Variants in IFIH1 observed in about 807,000 individuals in gnomAD.
IFIH1 encodes interferon-induced helicase C domain-containing protein 1.
IFIH1 carries 125 observed loss-of-function variants against 107.4 expected under a neutral mutation model. That is an observed-to-expected ratio of 1.16 (90% confidence interval 1.01 to 1.35). The LOEUF (loss-of-function observed/expected upper bound fraction) is 1.35, where lower values mean the gene tolerates loss of function less well. Ranked by LOEUF, IFIH1 falls within the 40% of genes most tolerant of loss-of-function variation. The probability of loss-of-function intolerance (pLI) is 0.00; values close to 1 mark genes in which losing one functional copy is unlikely to be tolerated. For missense variants in IFIH1, 1,333 were observed against 1,213.7 expected, an observed-to-expected ratio of 1.10 and a Z score of -1.46; for synonymous variants, 458 against 413.2, an observed-to-expected ratio of 1.11 and a Z score of -1.31.
chr2:162,273,137 T>C (rs1285209799), intron 12 of IFIH1, among the ~76,000 whole-genome samples: 1 of 152,178 alleles, frequency 6.6e-6, no homozygotes, highest in African/African-American at 2.4e-5. Flanking sequence ...TATTTAAAAA[T>C]CCCTTTAGTT....
Position 162,290,647 on chromosome 2 carries a change from C to T in IFIH1, c.875-2292G>A, listed in dbSNP as rs181773331. Among the ~76,000 whole-genome samples, 25 of 151,926 alleles carry T rather than the reference C, an allele frequency of 1.6e-4. No homozygotes were observed. In the East Asian group the frequency reaches 3.9e-3, roughly 24 times the overall value. ...GACTTTAGAGTCTAGGACACTATACCGCTGTTATGCACACAAAAATACCTG... is the reference window on the plus strand; with the variant it reads ...GACTTTAGAGTCTAGGACACTATACTGCTGTTATGCACACAAAAATACCTG... On this transcript the variant is annotated intron_variant, in intron 4 of 15. Transcript: ENST00000649979.
At chr2:162,269,102 T>G (rs1374742055) in intron 13 of IFIH1, among the ~76,000 whole-genome samples, 4 of 152,230 alleles carry the variant, frequency 2.6e-5, no homozygotes, top group Non-Finnish European at 5.9e-5. Flanking sequence ...AACCACTAGT[T>G]TTTCATTCAG....
chr2:162,306,832 C>T lies in IFIH1; in HGVS notation c.646G>A (p.Asp216Asn). The change falls in exon 3 of 16, where the codon GAT becomes AAT. Residue 216 changes from aspartate (D) to asparagine (N), a missense_variant. Transcript: ENST00000649979. The part of the protein sequence containing the change: ...NAEIENLSQV[D>N]GPQVEEQLLS... ...AGTTGCTCTTCCACTTGAGGACCAT[C>T]AACTTGTGATAAATTCTCAATCTCT... The T allele has an allele frequency of 1.2e-6, 2 of 1,613,842 alleles. No homozygotes were observed. Among genetic ancestry groups the T allele is most frequent in the Non-Finnish European group, 1.7e-6 (2 of 1,179,814 alleles).
In IFIH1 at chr2:162,318,369, A is replaced by T; in HGVS notation, c.-62T>A. 1 of 1,377,144 alleles carries T rather than the reference A, an allele frequency of 7.3e-7. No individual in the cohort carries two copies. The highest frequency in any genetic ancestry group is 1.0e-6 in the Non-Finnish European group (1 of 982,668). The allele number at this position is 1,377,144 out of a possible 1,614,324, so 85.3% of individuals were successfully genotyped here. ...CAGATGGTGCTGTTGTCTGCGGGAC[A>T]GGTGAAATGTGCGTGCCGCTGTCCG... is the stretch of plus-strand genomic sequence containing the variant. On this transcript the variant is annotated 5_prime_UTR_variant, in exon 1 of 16. Coordinates refer to ENST00000649979, the MANE Select transcript of IFIH1 (RefSeq NM_022168.4).
At chr2:162,299,657 C>T (rs1251238548) in intron 3 of IFIH1, among the ~76,000 whole-genome samples, 1 of 152,124 alleles carries the variant, frequency 6.6e-6, no homozygotes, top group Non-Finnish European at 1.5e-5. Context: ...CAATCATCAT[C>T]TGAGATGATG....
intron 3 of IFIH1, among the ~76,000 whole-genome samples, chr2:162,294,352 C>T (rs892455437): frequency 2.0e-5 from 3 of 151,970 alleles, no homozygotes; most frequent in Non-Finnish European, 4.4e-5. Flanking sequence ...GTTTTCAGAA[C>T]TCAGGATCAA....
chr2:162,309,091 G>A (rs1198562712), intron 2 of IFIH1, among the ~76,000 whole-genome samples: 1 of 152,136 alleles, frequency 6.6e-6, no homozygotes, highest in African/African-American at 2.4e-5. Flanking sequence ...AGAAAGCAAG[G>A]GTGATGGGTC....
At chr2:162,285,658 AG>A (rs1357453458) in intron 5 of IFIH1, among the ~76,000 whole-genome samples, 3 of 151,992 alleles carry the variant, frequency 2.0e-5, no homozygotes, top group Non-Finnish European at 2.9e-5. Context: ...ATAATTAATG[AG>A]GATAAATTAA....
At chr2:162,279,394 T>C (rs962770417) in intron 8 of IFIH1, among the ~76,000 whole-genome samples, 8 of 152,140 alleles carry the variant, frequency 5.3e-5, no homozygotes, top group African/African-American at 1.9e-4. Flanking sequence ...TTTGTAATGC[T>C]TTCTAAATTT....
At chr2:162,279,930 G>A (rs1682775530) in intron 8 of IFIH1, 66 bp downstream of exon 8, 3 of 887,710 alleles carry the variant, frequency 3.4e-6, no homozygotes, top group African/African-American at 3.3e-5. Flanking sequence ...GTATAAAATA[G>A]CCTTTGCCAT....
At chr2:162,282,675 G>A in intron 5 of IFIH1, 99 bp from the exon 6 acceptor site, 1 of 693,918 alleles carries the variant, frequency 1.4e-6, no homozygotes, top group Non-Finnish European at 2.4e-6. Context: ...GAAAAGAGGT[G>A]TTTACATTAT....
At chr2:162,288,511 C>T (rs1293519359) in intron 4 of IFIH1, among the ~76,000 whole-genome samples, 156 bp from the exon 5 acceptor site, 1 of 152,006 alleles carries the variant, frequency 6.6e-6, no homozygotes, top group Non-Finnish European at 1.5e-5. Context: ...TTAATGTCTG[C>T]TCTCTGCATC....
In IFIH1 at chr2:162,318,143, G is replaced by A. The variant is rs770971752; in HGVS notation, c.165C>T (p.Asn55=). ...TCAGCAGCAGTTCAACTGCCTGCAT[G>A]TTCCCGGAGGTGGCGACTGTCCTCT... The part of the protein sequence containing the change: ...QIQRTVATSG[N]MQAVELLLST... Residue 55 remains asparagine, a synonymous_variant, in exon 1 of 16, where the codon AAC becomes AAT. Coordinates refer to ENST00000649979, the MANE Select transcript of IFIH1 (RefSeq NM_022168.4). 6.2e-7 allele frequency: 1 copy of A among 1,614,118 alleles called. No individual in the cohort carries two copies. Among genetic ancestry groups the A allele is most frequent in the African/African-American group, 1.3e-5 (1 of 74,936 alleles).
At chr2:162,300,383 A>T (rs1179026837) in intron 3 of IFIH1, among the ~76,000 whole-genome samples, 1 of 152,132 alleles carries the variant, frequency 6.6e-6, no homozygotes, top group African/African-American at 2.4e-5. Flanking sequence ...TAAATCCAAC[A>T]TGTATTAACT....
intron 5 of IFIH1, among the ~76,000 whole-genome samples, chr2:162,286,025 C>T (rs1682886995): frequency 6.6e-6 from 1 of 151,874 alleles, no homozygotes; most frequent in African/African-American, 2.4e-5. Flanking sequence ...CTCATGTCTC[C>T]TACGCTCTGC....
At chr2:162,302,728 C>A (rs1683214252) in intron 3 of IFIH1, among the ~76,000 whole-genome samples, 1 of 152,116 alleles carries the variant, frequency 6.6e-6, no homozygotes, top group African/African-American at 2.4e-5. Context: ...CTTAAGATAA[C>A]AAGGAAACAA....
At position 162,281,321 on chromosome 2, in the gene IFIH1, G is replaced by T; in HGVS notation, c.1524+7C>A. ...TTTCATTGGTTATACATAAAATTAT[G>T]ACTTACTTTTAAAATGTGTTCTTCA... On this transcript the variant is annotated splice_region_variant and intron_variant, in intron 7 of 15. Coordinates refer to ENST00000649979, the MANE Select transcript of IFIH1 (RefSeq NM_022168.4). 1.2e-6 allele frequency: 2 copies of T among 1,607,018 alleles called. No homozygotes were observed. The highest frequency in any genetic ancestry group is 2.2e-5 in the South Asian group (2 of 90,716).
chr2:162,274,798 T>C (rs552958142), intron 11 of IFIH1, among the ~76,000 whole-genome samples: 1 of 152,286 alleles, frequency 6.6e-6, no homozygotes, highest in African/African-American at 2.4e-5. Flanking sequence ...CCAGTTGGCA[T>C]TTGGTGCACA....
At chr2:162,277,771 G>A in intron 9 of IFIH1, 78 bp from the exon 10 acceptor site, 2 of 1,474,842 alleles carry the variant, frequency 1.4e-6, no homozygotes, top group South Asian at 1.4e-5. Context: ...TTGAATATAT[G>A]TTACTAACTG....
Sources: allele counts gnomAD v4.1 joint callset (sites outside exome capture counted in the v4.1 genomes callset), GRCh38; gene constraint gnomAD v4.1.1; transcripts MANE v1.5; gene names NCBI Gene and HGNC (gene_info 2026-07-23, HGNC 2026-07-21).